DNAH6: variants seen among roughly 807,000 people sequenced by gnomAD.
DNAH6 encodes dynein axonemal heavy chain 6.
In DNAH6, 340 loss-of-function variants were observed where a neutral mutation model predicts 491.4. The observed-to-expected ratio is 0.69, with a 90% CI of 0.63 to 0.76. The LOEUF (loss-of-function observed/expected upper bound fraction) is 0.76, where lower values mean the gene tolerates loss of function less well. Among genes scored for constraint, DNAH6 ranks in the 30% least tolerant of loss-of-function variants. The probability of loss-of-function intolerance (pLI) is 0.00; values close to 1 mark genes in which losing one functional copy is unlikely to be tolerated. For missense variants in DNAH6, 4,443 were observed against 4,972.2 expected (o/e 0.89, Z 3.20); for synonymous variants, 1,603 against 1,686.1 (o/e 0.95, Z 1.21).
chr2:84,464,359 T>C, the DNAH6 span, among the ~76,000 whole-genome samples: 4 of 152,196 alleles, frequency 2.6e-5, no homozygotes, highest in African/African-American at 9.6e-5. Context: ...ACTCTTGCTG[T>C]CTTGCTCTGT....
At chr2:84,669,889 AC>A (rs764273728) in intron 38 of DNAH6, among the ~76,000 whole-genome samples, 71 of 152,186 alleles carry the variant, frequency 4.7e-4, no homozygotes, top group Non-Finnish European at 9.6e-4. Flanking sequence ...GTTCACTTAT[AC>A]CTGATACAGC....
the DNAH6 span, among the ~76,000 whole-genome samples, chr2:84,475,003 C>G: frequency 6.6e-6 from 1 of 152,208 alleles, no homozygotes; most frequent in Admixed American, 6.5e-5. Context: ...GTAACAGCAA[C>G]AACTGAGCAA....
At chr2:84,605,900 A>C (rs1220158250) in intron 20 of DNAH6, among the ~76,000 whole-genome samples, 1 of 152,206 alleles carries the variant, frequency 6.6e-6, no homozygotes, top group African/African-American at 2.4e-5. Flanking sequence ...TAGACCAGTC[A>C]TAACAAGCTG....
At chr2:84,713,408 A>T in intron 57 of DNAH6, 149 bp downstream of exon 57, 2 of 765,708 alleles carry the variant, frequency 2.6e-6, no homozygotes, top group South Asian at 2.1e-5. Flanking sequence ...ACCATCTTCC[A>T]TTCTTGCTTC....
intron 5 of DNAH6, among the ~76,000 whole-genome samples, chr2:84,546,047 C>G (rs1326685976): frequency 6.6e-6 from 1 of 152,132 alleles, no homozygotes; most frequent in African/African-American, 2.4e-5. Context: ...AACCTCATTA[C>G]CCATTAGTGG....
At chr2:84,713,835 C>T (rs1434310715) in intron 57 of DNAH6, among the ~76,000 whole-genome samples, 6 of 152,198 alleles carry the variant, frequency 3.9e-5, no homozygotes, top group Admixed American at 3.9e-4. Context: ...GGTCCAGTGT[C>T]TACACTTAGA....
chr2:84,798,917 G>A (rs1678606523), intron 70 of DNAH6, among the ~76,000 whole-genome samples: 2 of 152,032 alleles, frequency 1.3e-5, no homozygotes, highest in Non-Finnish European at 2.9e-5. Flanking sequence ...TCGAGTAGGG[G>A]AACACAAGGA....
At chr2:84,761,161 CT>C (rs1478600864) in intron 63 of DNAH6, among the ~76,000 whole-genome samples, 1 of 152,110 alleles carries the variant, frequency 6.6e-6, no homozygotes, top group Non-Finnish European at 1.5e-5. Context: ...AAAATCATGT[CT>C]CTTGCAGCAA....
intron 21 of DNAH6, among the ~76,000 whole-genome samples, chr2:84,608,435 C>T (rs1233701922): frequency 1.3e-5 from 2 of 152,190 alleles, no homozygotes; most frequent in Non-Finnish European, 1.5e-5. Context: ...TGAAAGTACT[C>T]CTTAATCCAT....
intron 70 of DNAH6, among the ~76,000 whole-genome samples, chr2:84,797,869 T>C (rs1227098802): frequency 1.3e-5 from 2 of 152,188 alleles, no homozygotes; most frequent in Non-Finnish European, 2.9e-5. Context: ...ATTTTCCCTG[T>C]CACTGGCCAA....
intron 45 of DNAH6, among the ~76,000 whole-genome samples, chr2:84,689,078 T>A (rs991322715): frequency 1.3e-5 from 2 of 152,238 alleles, no homozygotes; most frequent in African/African-American, 4.8e-5. Context: ...CTGCAGTCCT[T>A]GGGGCACACT....
chr2:84,779,170 C>CT (rs1016762873), intron 64 of DNAH6, among the ~76,000 whole-genome samples: 3 of 152,096 alleles, frequency 2.0e-5, no homozygotes, highest in African/African-American at 7.2e-5. Context: ...GATTAAGTGT[C>CT]TGATTTATGT....
intron 59 of DNAH6, among the ~76,000 whole-genome samples, chr2:84,722,364 A>G (rs539764509): frequency 6.6e-6 from 1 of 152,232 alleles, no homozygotes; most frequent in Admixed American, 6.5e-5. Context: ...AGTCTCAGAG[A>G]CATGCTGCTT....
intron 12 of DNAH6, among the ~76,000 whole-genome samples, chr2:84,575,882 T>C (rs1160032836): frequency 1.3e-5 from 2 of 151,804 alleles, no homozygotes; most frequent in African/African-American, 4.8e-5. Context: ...AGACTCCGTC[T>C]CAAAAAAAAA....
chr2:84,509,352 A>G, the DNAH6 span, among the ~76,000 whole-genome samples: 1 of 152,034 alleles, frequency 6.6e-6, no homozygotes, highest in Non-Finnish European at 1.5e-5. Flanking sequence ...CTCTTTTGAT[A>G]CTTGTTGGTT....
intron 58 of DNAH6, among the ~76,000 whole-genome samples, chr2:84,716,278 A>G (rs1697529616): frequency 6.6e-6 from 1 of 151,152 alleles, no homozygotes; most frequent in Non-Finnish European, 1.5e-5. Flanking sequence ...CAAGAGGTTC[A>G]TGAGACAAAC....
the DNAH6 span, among the ~76,000 whole-genome samples, chr2:84,483,588 C>G: frequency 3.9e-5 from 6 of 152,074 alleles, no homozygotes; most frequent in African/African-American, 4.8e-5. Flanking sequence ...TTTCTCCCTA[C>G]TCCCCCACCT....
At chr2:84,551,907 G>C (rs891517282) in intron 9 of DNAH6, among the ~76,000 whole-genome samples, 5 of 152,126 alleles carry the variant, frequency 3.3e-5, no homozygotes, top group Non-Finnish European at 7.3e-5. Context: ...AATTAGCCAG[G>C]CATGGTGGTG....
chr2:84,700,207 C>T lies in DNAH6; in HGVS notation c.7818+473C>T, dbSNP rs566893585. Reference sequence around the variant, plus strand: ...TAAATATATGGATGATGCAGCATACCGAGTTAAGCGCTGTGGGACCAGTGT... The same window carrying T: ...TAAATATATGGATGATGCAGCATACTGAGTTAAGCGCTGTGGGACCAGTGT... On this transcript the variant is annotated intron_variant, in intron 48 of 76. Transcript: ENST00000389394. Among the ~76,000 whole-genome samples, 7 of 152,154 alleles carry T rather than the reference C, an allele frequency of 4.6e-5. No homozygotes were observed. The South Asian group carries it at 8.3e-4, about 18-fold the overall frequency.
Sources: gnomAD v4.1 joint callset for allele counts (sites outside exome capture counted in the v4.1 genomes callset) on GRCh38, gnomAD v4.1.1 for gene constraint, MANE v1.5 for transcripts, NCBI Gene and HGNC (gene_info 2026-07-23, HGNC 2026-07-21) for gene names.